Variants in IGSF21 observed in about 807,000 individuals in gnomAD.
IGSF21 encodes immunoglobulin superfamily member 21.
Under a neutral mutation model 46.8 loss-of-function variants are expected in IGSF21, and 28 were observed. That is an observed-to-expected ratio of 0.60 (90% CI 0.44 to 0.82). The LOEUF is 0.82. IGSF21 is among the 40% of genes least tolerant of loss of function. The pLI is 0.00. For missense variants in IGSF21, 624 were observed against 665.5 expected, an observed-to-expected ratio of 0.94 and a Z score of 0.69; for synonymous variants, 284 against 273.6, an observed-to-expected ratio of 1.04 and a Z score of -0.38.
chr1:18,363,346 G>A (rs2086123299), intron 5 of IGSF21, among the ~76,000 whole-genome samples: 1 of 152,184 alleles, frequency 6.6e-6, no homozygotes, highest in East Asian at 1.9e-4. Context: ...GTCCAATTGT[G>A]CGGCCTTGGG....
rs542618248 is a variant in IGSF21 at position 18,239,275 on chromosome 1, G to T, written c.183+11265G>T. The stretch of plus-strand genomic sequence containing the variant: ...GAAAAGAAAAGAACATGACTGAAAT[G>T]AGGGATGTTTCCCAGCTCAGACTCA... On this transcript the variant is annotated intron_variant, in intron 2 of 9. Transcript: ENST00000251296. Among the ~76,000 whole-genome samples the T allele has an allele frequency of 9.2e-5, 14 of 152,144 alleles. 2 individuals carry two copies. The highest frequency in any genetic ancestry group is 3.4e-4 in the African/African-American group (14 of 41,484).
At chr1:18,278,857 A>T (rs1341591868) in intron 2 of IGSF21, 1 of 471,464 alleles carries the variant, frequency 2.1e-6, no homozygotes, top group Non-Finnish European at 4.4e-6. Context: ...CACCCAGCCC[A>T]TGTTCACATT....
chr1:18,120,914 T>C (rs2086228871), intron 1 of IGSF21, among the ~76,000 whole-genome samples: 1 of 152,224 alleles, frequency 6.6e-6, no homozygotes, highest in Non-Finnish European at 1.5e-5. Context: ...CCCTGTGCCC[T>C]AGTCCATCTC....
At chr1:18,378,220 T>C (rs1184864574) in intron 9 of IGSF21, 36 bp from the exon 10 acceptor site, 2 of 1,582,010 alleles carry the variant, frequency 1.3e-6, no homozygotes, top group Admixed American at 3.3e-5. Context: ...GGGTTGGGTC[T>C]GCAGGCTCTG....
chr1:18,132,917 T>TGGGGGAGGAAGGGGACGGAGACA (rs2086334962), intron 1 of IGSF21, among the ~76,000 whole-genome samples: 1 of 89,880 alleles, frequency 1.1e-5, no homozygotes, highest in African/African-American at 3.3e-5. Flanking sequence ...GTGGAGGGAG[T>TGGGGGAGGAAGGGGACGGAGACA]GGGGGAGGGA....
chr1:18,247,775 C>T (rs2124523894), intron 2 of IGSF21, among the ~76,000 whole-genome samples: 1 of 152,198 alleles, frequency 6.6e-6, no homozygotes. Context: ...CATAGCAACC[C>T]TAGGGGTGGG....
At chr1:18,155,348 TC>T (rs1333677581) in intron 1 of IGSF21, among the ~76,000 whole-genome samples, 1 of 152,170 alleles carries the variant, frequency 6.6e-6, no homozygotes, top group African/African-American at 2.4e-5. Context: ...CCATGTGACT[TC>T]CTTGCTGAGC....
intron 1 of IGSF21, among the ~76,000 whole-genome samples, chr1:18,129,425 C>T (rs2086299755): frequency 6.6e-6 from 1 of 152,158 alleles, no homozygotes; most frequent in Non-Finnish European, 1.5e-5. Context: ...TCATGTGCCC[C>T]CTCTAGCTCC....
chr1:18,269,581 G>A (rs1175739910), intron 2 of IGSF21, among the ~76,000 whole-genome samples: 2 of 152,172 alleles, frequency 1.3e-5, no homozygotes, highest in African/African-American at 4.8e-5. Context: ...GTGTCTGGGA[G>A]CTCCATAAGA....
intron 6 of IGSF21, among the ~76,000 whole-genome samples, chr1:18,367,310 G>T (rs891720387): frequency 3.9e-5 from 6 of 152,170 alleles, no homozygotes; most frequent in African/African-American, 1.4e-4. Flanking sequence ...TGTACTATGT[G>T]CCAGGAACAT....
At chr1:18,178,798 T>C (rs1219385320) in intron 1 of IGSF21, among the ~76,000 whole-genome samples, 1 of 148,554 alleles carries the variant, frequency 6.7e-6, no homozygotes, top group African/African-American at 2.5e-5. Flanking sequence ...AGAGGACGGG[T>C]CTGTGCCTGT....
intron 1 of IGSF21, among the ~76,000 whole-genome samples, chr1:18,215,200 C>T (rs1213658149): frequency 2.6e-5 from 4 of 152,166 alleles, no homozygotes; most frequent in South Asian, 2.1e-4. Flanking sequence ...GGACACAGAG[C>T]GAAACCATAT....
At chr1:18,325,566 C>T (rs2085649292) in intron 3 of IGSF21, among the ~76,000 whole-genome samples, 1 of 152,150 alleles carries the variant, frequency 6.6e-6, no homozygotes, top group South Asian at 2.1e-4. Context: ...CACAACTCCC[C>T]AGCATTGTTT....
intron 3 of IGSF21, among the ~76,000 whole-genome samples, chr1:18,295,138 C>T (rs1023252264): frequency 1.6e-4 from 25 of 152,240 alleles, no homozygotes; most frequent in Admixed American, 3.3e-4. Flanking sequence ...GGATGGAAGT[C>T]GGGTGGATCA....
At chr1:18,164,418 T>A (rs1418061921) in intron 1 of IGSF21, among the ~76,000 whole-genome samples, 2 of 152,028 alleles carry the variant, frequency 1.3e-5, no homozygotes, top group Non-Finnish European at 2.9e-5. Context: ...TCCATCCATC[T>A]TTCCTTTTTA....
intron 2 of IGSF21, among the ~76,000 whole-genome samples, chr1:18,255,794 C>G (rs2084886797): frequency 6.6e-6 from 1 of 152,156 alleles, no homozygotes; most frequent in Admixed American, 6.5e-5. Flanking sequence ...CTCCTCCCCT[C>G]CCTCCTGAGG....
intron 2 of IGSF21, among the ~76,000 whole-genome samples, chr1:18,229,879 C>T (rs1455464195): frequency 6.6e-6 from 1 of 152,226 alleles, no homozygotes. Context: ...GGGACCACAT[C>T]TCTCCCTCAG....
At chr1:18,268,089 T>C (rs2085007127) in intron 2 of IGSF21, among the ~76,000 whole-genome samples, 1 of 152,268 alleles carries the variant, frequency 6.6e-6, no homozygotes, top group African/African-American at 2.4e-5. Flanking sequence ...AACAGGTGCT[T>C]AATCAATGCA....
At chr1:18,179,842 A>C (rs1368430974) in intron 1 of IGSF21, among the ~76,000 whole-genome samples, 1 of 152,212 alleles carries the variant, frequency 6.6e-6, no homozygotes, top group Non-Finnish European at 1.5e-5. Flanking sequence ...CAAAAGTAAT[A>C]ATAATGAGTA....
Sources: gnomAD v4.1 joint callset for allele counts (sites outside exome capture counted in the v4.1 genomes callset) on GRCh38, gnomAD v4.1.1 for gene constraint, MANE v1.5 for transcripts, NCBI Gene and HGNC (gene_info 2026-07-23, HGNC 2026-07-21) for gene names.